CNTNAP2: variants seen among roughly 807,000 people sequenced by gnomAD.
CNTNAP2 encodes contactin-associated protein-like 2.
A neutral mutation model predicts 155.2 loss-of-function variants in CNTNAP2; 98 were observed. That is an observed-to-expected ratio of 0.63 (90% confidence interval 0.54 to 0.75). The LOEUF is 0.75. Ranked by LOEUF, CNTNAP2 falls within the 30% of genes least tolerant of loss-of-function variation. The probability of loss-of-function intolerance (pLI) is 0.00; values close to 1 mark genes in which losing one functional copy is unlikely to be tolerated. For missense variants in CNTNAP2, 1,727 were observed against 1,688.1 expected (o/e 1.02, Z -0.40); for synonymous variants, 651 against 631.2 (o/e 1.03, Z -0.47).
At chr7:147,470,528 A>G (rs1174961799) in intron 10 of CNTNAP2, among the ~76,000 whole-genome samples, 1 of 151,900 alleles carries the variant, frequency 6.6e-6, no homozygotes, top group African/African-American at 2.4e-5. Context: ...TAGCTATGAT[A>G]GTGTCTTGGA....
chr7:148,001,019 A>G (rs933635288), intron 15 of CNTNAP2, among the ~76,000 whole-genome samples: 1 of 152,192 alleles, frequency 6.6e-6, no homozygotes, highest in Admixed American at 6.5e-5. Flanking sequence ...TGTGTGTTCA[A>G]GTGTCCTTTC....
intron 10 of CNTNAP2, among the ~76,000 whole-genome samples, chr7:147,423,180 T>G (rs1458968853): frequency 6.6e-6 from 1 of 152,146 alleles, no homozygotes; most frequent in Non-Finnish European, 1.5e-5. Flanking sequence ...AAAGGCACAT[T>G]CTGTCCACCC....
rs1584938864 is a variant in CNTNAP2 at position 147,754,204 on chromosome 7, C to T, written c.2098+114898C>T. On this transcript the variant is annotated intron_variant, in intron 13 of 23. Transcript: ENST00000361727. ...AAAACAAATTATCGCTCCATCATTT[C>T]ATAATAACACTCAAAAAAGGTTTTA... Among the ~76,000 whole-genome samples the T allele has an allele frequency of 2.0e-5, 3 of 152,190 alleles. No homozygotes were observed. The East Asian group carries it at 5.8e-4, about 29-fold the overall frequency.
intron 15 of CNTNAP2, among the ~76,000 whole-genome samples, chr7:148,078,733 G>T (rs753462084): frequency 3.9e-5 from 6 of 152,104 alleles, no homozygotes; most frequent in African/African-American, 1.4e-4. Flanking sequence ...CACCAGCCTC[G>T]GCCTCCTGAA....
At chr7:147,613,515 A>G (rs988042) in intron 12 of CNTNAP2, among the ~76,000 whole-genome samples, 104,137 of 151,978 alleles carry the variant, frequency 0.69, 36,119 homozygotes, top group African/African-American at 0.78. Context: ...TTCTCCCATT[A>G]GAGTGCTTTT....
chr7:148,323,676 A>C (rs1178464023), intron 21 of CNTNAP2, among the ~76,000 whole-genome samples: 3 of 152,134 alleles, frequency 2.0e-5, no homozygotes, highest in Non-Finnish European at 4.4e-5. Context: ...AAAATCTAAT[A>C]GTCACCATCT....
chr7:146,470,209 ACAT>A (rs1483199713), intron 1 of CNTNAP2, among the ~76,000 whole-genome samples: 1 of 152,176 alleles, frequency 6.6e-6, no homozygotes, highest in African/African-American at 2.4e-5. Flanking sequence ...GTATTTGTAA[ACAT>A]CATGTTTTAT....
Position 147,128,563 on chromosome 7 carries a change from G to A in CNTNAP2, c.940-130G>A. 20 of 955,346 alleles carry A rather than the reference G, an allele frequency of 2.1e-5. No individual in the cohort carries two copies. The South Asian group carries it at 2.7e-4, about 13-fold the overall frequency. 59.2% of individuals were successfully genotyped at this position (955,346 alleles called of 1,614,324 possible). A position where few individuals can be genotyped will look rare whatever the true frequency, so the allele number is the denominator to read the frequency against. On this transcript the variant is annotated intron_variant, in intron 6 of 23. Coordinates refer to ENST00000361727, the MANE Select transcript of CNTNAP2 (RefSeq NM_014141.6). ...ATAATTTAATATGCCATAGATTTTG[G>A]AGGCAGAATGCTATAATATTTGTAT...
At chr7:148,268,480 C>A (rs1165355929) in intron 21 of CNTNAP2, among the ~76,000 whole-genome samples, 3 of 151,890 alleles carry the variant, frequency 2.0e-5, no homozygotes, top group Non-Finnish European at 2.9e-5. Context: ...GGTGAAACCC[C>A]GTCTCTACAA....
intron 1 of CNTNAP2, among the ~76,000 whole-genome samples, chr7:146,735,291 G>T (rs921281286): frequency 2.6e-5 from 4 of 152,170 alleles, no homozygotes; most frequent in Admixed American, 2.0e-4. Flanking sequence ...GGTGGCTCAC[G>T]CCTGTAATCC....
At chr7:148,298,883 A>T (rs1453336690) in intron 21 of CNTNAP2, among the ~76,000 whole-genome samples, 1 of 151,854 alleles carries the variant, frequency 6.6e-6, no homozygotes, top group African/African-American at 2.4e-5. Context: ...ATTTTTTGTA[A>T]AGATGGGGTC....
At chr7:147,801,703 A>G (rs1797990173) in intron 13 of CNTNAP2, among the ~76,000 whole-genome samples, 1 of 152,148 alleles carries the variant, frequency 6.6e-6, no homozygotes, top group Non-Finnish European at 1.5e-5. Flanking sequence ...AACAAAATGA[A>G]AAGTCTCCCA....
intron 4 of CNTNAP2, among the ~76,000 whole-genome samples, chr7:147,069,143 A>G (rs1159307461): frequency 6.6e-6 from 1 of 152,156 alleles, no homozygotes; most frequent in Admixed American, 6.5e-5. Context: ...GCACAGAGCC[A>G]TTTATGAGGG....
At chr7:146,855,852 T>TATATATATATATATAC (rs1554401384) in intron 3 of CNTNAP2, among the ~76,000 whole-genome samples, 1 of 100,098 alleles carries the variant, frequency 1.0e-5, no homozygotes, top group African/African-American at 3.5e-5. Context: ...TATATATATA[T>TATATATATATATATAC]ACACACTTAC....
intron 12 of CNTNAP2, among the ~76,000 whole-genome samples, chr7:147,577,933 A>G (rs1020781859): frequency 6.6e-6 from 1 of 152,054 alleles, no homozygotes; most frequent in Non-Finnish European, 1.5e-5. Flanking sequence ...GTATTTCCAT[A>G]CACAGTATTC....
intron 13 of CNTNAP2, among the ~76,000 whole-genome samples, chr7:147,703,393 T>C (rs1796264177): frequency 1.3e-5 from 2 of 152,224 alleles, no homozygotes; most frequent in Admixed American, 1.3e-4. Context: ...CTTCAAGCAT[T>C]TAATAGCCAA....
chr7:148,271,068 G>A (rs989396263), intron 21 of CNTNAP2, among the ~76,000 whole-genome samples: 16 of 152,114 alleles, frequency 1.1e-4, no homozygotes, highest in Middle Eastern at 3.2e-3. Context: ...AGCTAATAAC[G>A]TCTTAAGACA....
At chr7:146,241,776 G>A (rs1359735670) in intron 1 of CNTNAP2, among the ~76,000 whole-genome samples, 1 of 151,836 alleles carries the variant, frequency 6.6e-6, no homozygotes, top group Non-Finnish European at 1.5e-5. Flanking sequence ...ATAACTCTAA[G>A]AAGAATCCTA....
chr7:146,271,471 T>C (rs915560917), intron 1 of CNTNAP2, among the ~76,000 whole-genome samples: 1 of 151,954 alleles, frequency 6.6e-6, no homozygotes, highest in Non-Finnish European at 1.5e-5. Context: ...TCAAAGTCCC[T>C]AATAAAAAGT....
Sources: allele counts gnomAD v4.1 joint callset (sites outside exome capture counted in the v4.1 genomes callset), GRCh38; gene constraint gnomAD v4.1.1; transcripts MANE v1.5; gene names NCBI Gene and HGNC (gene_info 2026-07-23, HGNC 2026-07-21).